The following UVRAG variants were observed in gnomAD, a reference collection of about 807,000 sequenced individuals.
UVRAG encodes UV radiation resistance-associated gene protein.
A neutral mutation model predicts 78.0 loss-of-function variants in UVRAG; 19 were observed. That is an observed-to-expected ratio of 0.24 (90% CI 0.17 to 0.36). The LOEUF (loss-of-function observed/expected upper bound fraction) is 0.36. Among genes scored for constraint, UVRAG ranks in the 10% least tolerant of loss-of-function variants. The probability of loss-of-function intolerance (pLI) is 1.00; values close to 1 mark genes in which losing one functional copy is unlikely to be tolerated. For missense variants in UVRAG, 740 were observed against 853.8 expected, an observed-to-expected ratio of 0.87 and a Z score of 1.66; for synonymous variants, 323 against 324.6, an observed-to-expected ratio of 1.00 and a Z score of 0.05.
chr11:75,918,133 G>A lies in UVRAG; in HGVS notation c.593+6094G>A, dbSNP rs181103729. Reference sequence around the variant, plus strand: ...TGTAATCCCAGCACTTTGGGAGGCCGAGACGGGCAGATCATGAGGTCAGGA... The same window carrying A: ...TGTAATCCCAGCACTTTGGGAGGCCAAGACGGGCAGATCATGAGGTCAGGA... On this transcript the variant is annotated intron_variant, in intron 6 of 14. Coordinates refer to ENST00000356136, the MANE Select transcript of UVRAG (RefSeq NM_003369.4). Among the ~76,000 whole-genome samples the A allele has an allele frequency of 2.0e-5, 3 of 150,646 alleles. No homozygotes were observed. The East Asian group carries it at 5.9e-4, about 29-fold the overall frequency.
chr11:75,894,041 A>G (rs1947283717), intron 5 of UVRAG, among the ~76,000 whole-genome samples: 1 of 152,236 alleles, frequency 6.6e-6, no homozygotes, highest in Admixed American at 6.5e-5. Flanking sequence ...CAAAGGGAGC[A>G]TATAGTGTAT....
At position 76,017,038 on chromosome 11, in the gene UVRAG, G is replaced by C. The variant is rs1415695689; in HGVS notation, c.1226+58G>C. On this transcript the variant is annotated intron_variant, in intron 12 of 14. Coordinates refer to ENST00000356136, the MANE Select transcript of UVRAG (RefSeq NM_003369.4). ...ACATCAAGCCAGTATAAAACATGGGGTATAACAAAATACATAAAATGTAAT... is the reference window on the plus strand; with the variant it reads ...ACATCAAGCCAGTATAAAACATGGGCTATAACAAAATACATAAAATGTAAT... 3.1e-6 allele frequency: 4 copies of C among 1,297,544 alleles called. No homozygotes were observed. The East Asian group carries it at 1.0e-4, about 33-fold the overall frequency. The allele number at this position is 1,297,544 out of a possible 1,614,324, so 80.4% of individuals were successfully genotyped here. A position where few individuals can be genotyped will look rare whatever the true frequency, so the allele number is the denominator to read the frequency against.
intron 1 of UVRAG, among the ~76,000 whole-genome samples, chr11:75,818,441 A>G (rs1349108202): frequency 6.6e-6 from 1 of 151,344 alleles, no homozygotes; most frequent in African/African-American, 2.4e-5. Flanking sequence ...TTTCAAAACC[A>G]TACATTTTAA....
chr11:76,137,252 A>C lies in UVRAG; in HGVS notation c.1398-3459A>C, dbSNP rs112157876. 81 of 447,876 alleles carry C rather than the reference A, an allele frequency of 1.8e-4. 1 individual carries two copies. Among genetic ancestry groups the C allele is most frequent in the African/African-American group, 1.5e-3 (75 of 49,748 alleles). The allele number at this position is 447,876 out of a possible 1,614,324, so 27.7% of individuals were successfully genotyped here. ...AAAGGGTATAGTGGCCACTGCGGGC[A>C]GGGGCACTGATTCAACCACCCACAG... On this transcript the variant is annotated intron_variant, in intron 14 of 14. Transcript: ENST00000356136.
chr11:75,953,511 A>G (rs570035578), intron 6 of UVRAG, among the ~76,000 whole-genome samples: 9 of 152,220 alleles, frequency 5.9e-5, no homozygotes, highest in East Asian at 3.9e-4. Flanking sequence ...GTAGGGAACT[A>G]TACTTCACTG....
At chr11:75,919,868 G>A (rs1947935843) in intron 6 of UVRAG, among the ~76,000 whole-genome samples, 1 of 152,010 alleles carries the variant, frequency 6.6e-6, no homozygotes, top group South Asian at 2.1e-4. Flanking sequence ...TCCAGTGCAC[G>A]TGCTGTTTTC....
intron 13 of UVRAG, among the ~76,000 whole-genome samples, chr11:76,098,753 C>T (rs1206964814): frequency 1.3e-5 from 2 of 152,118 alleles, no homozygotes; most frequent in Admixed American, 1.3e-4. Flanking sequence ...AATTTTAATA[C>T]ACCTAAAACA....
chr11:75,885,550 T>C (rs926450887), intron 4 of UVRAG, among the ~76,000 whole-genome samples: 1 of 152,120 alleles, frequency 6.6e-6, no homozygotes, highest in Admixed American at 6.5e-5. Flanking sequence ...TTGCTCAGAC[T>C]GTATGTATTA....
intron 5 of UVRAG, among the ~76,000 whole-genome samples, chr11:75,900,216 G>T (rs1393158743): frequency 6.6e-6 from 1 of 152,126 alleles, no homozygotes; most frequent in African/African-American, 2.4e-5. Context: ...CTCACCAGGG[G>T]ATTCAGAGAG....
intron 1 of UVRAG, among the ~76,000 whole-genome samples, chr11:75,845,840 C>G (rs1330439889): frequency 1.3e-5 from 2 of 151,902 alleles, no homozygotes; most frequent in Admixed American, 1.3e-4. Context: ...TGTATATGTA[C>G]CTCTTGAGCC....
intron 8 of UVRAG, among the ~76,000 whole-genome samples, chr11:76,001,959 T>G (rs1325207636): frequency 6.6e-6 from 1 of 152,182 alleles, no homozygotes; most frequent in Non-Finnish European, 1.5e-5. Flanking sequence ...CAGAAACCAT[T>G]AATCAAGCTC....
chr11:76,030,966 T>G (rs540108066), intron 12 of UVRAG, among the ~76,000 whole-genome samples: 17 of 152,238 alleles, frequency 1.1e-4, no homozygotes, highest in Non-Finnish European at 2.4e-4. Context: ...GGGTAGAAAC[T>G]GCATCTTACT....
intron 1 of UVRAG, among the ~76,000 whole-genome samples, chr11:75,836,364 A>C (rs555273697): frequency 2.0e-5 from 3 of 152,348 alleles, no homozygotes; most frequent in Admixed American, 2.0e-4. Context: ...TGAGGCCCTA[A>C]GTAAAGGGAT....
At chr11:75,828,780 C>CATATAT (rs71036067) in intron 1 of UVRAG, among the ~76,000 whole-genome samples, 7 of 92,838 alleles carry the variant, frequency 7.5e-5, no homozygotes, top group Admixed American at 1.2e-4. Flanking sequence ...TATATACACA[C>CATATAT]ATATATATAT....
chr11:76,085,879 A>G (rs73496195), intron 13 of UVRAG, among the ~76,000 whole-genome samples: 3,656 of 152,198 alleles, frequency 0.024, 147 homozygotes, highest in African/African-American at 0.082. Flanking sequence ...CAACTCATCT[A>G]TCAGCTTGTA....
chr11:75,820,417 C>T (rs1945361415), intron 1 of UVRAG, among the ~76,000 whole-genome samples: 3 of 148,840 alleles, frequency 2.0e-5, no homozygotes, highest in African/African-American at 5.0e-5. Flanking sequence ...TGGAGTGGTG[C>T]GATCTCCGCT....
intron 13 of UVRAG, among the ~76,000 whole-genome samples, chr11:76,090,066 G>C (rs1038385202): frequency 2.6e-5 from 4 of 152,144 alleles, no homozygotes; most frequent in Non-Finnish European, 5.9e-5. Context: ...CCTTTAGAAA[G>C]ACTTCCTGCA....
intron 6 of UVRAG, among the ~76,000 whole-genome samples, chr11:75,924,042 T>C (rs1439040736): frequency 6.6e-6 from 1 of 151,776 alleles, no homozygotes; most frequent in East Asian, 1.9e-4. Flanking sequence ...ATGGAGAATG[T>C]GGACTATATA....
intron 5 of UVRAG, among the ~76,000 whole-genome samples, chr11:75,900,789 CTGTT>C (rs1435077211): frequency 6.6e-5 from 10 of 152,176 alleles, no homozygotes; most frequent in African/African-American, 2.2e-4. Context: ...ATCTTCATCT[CTGTT>C]GATTTAAATT....
Sources: gnomAD v4.1 joint callset for allele counts (sites outside exome capture counted in the v4.1 genomes callset) on GRCh38, gnomAD v4.1.1 for gene constraint, MANE v1.5 for transcripts, NCBI Gene and HGNC (gene_info 2026-07-23, HGNC 2026-07-21) for gene names.